Variants in SCHIP1 observed in about 807,000 individuals in gnomAD.
SCHIP1 encodes the protein schwannomin-interacting protein 1.
In SCHIP1, 8 loss-of-function variants were observed where a neutral mutation model predicts 29.7. That is an observed-to-expected ratio of 0.27 (90% CI 0.16 to 0.49). The LOEUF (loss-of-function observed/expected upper bound fraction) is 0.49, where lower values mean the gene tolerates loss of function less well. SCHIP1 is among the 20% of genes least tolerant of loss of function. The pLI, the probability that SCHIP1 is intolerant of heterozygous loss-of-function variation, is 0.99. For missense variants in SCHIP1, 193 were observed against 294.6 expected (o/e 0.66, Z 2.52); for synonymous variants, 76 against 94.9 (o/e 0.80, Z 1.16).
the SCHIP1 span, among the ~76,000 whole-genome samples, chr3:159,606,677 G>A: frequency 1.3e-5 from 2 of 152,210 alleles, no homozygotes; most frequent in South Asian, 2.1e-4. Flanking sequence ...GGGACTCGAG[G>A]AGGAAGCAGG....
At chr3:159,479,659 A>G in the SCHIP1 span, among the ~76,000 whole-genome samples, 1 of 152,190 alleles carries the variant, frequency 6.6e-6, no homozygotes, top group Non-Finnish European at 1.5e-5. Flanking sequence ...TGTACCTTAA[A>G]AAAAGGATTT....
chr3:159,686,571 T>G, the SCHIP1 span, among the ~76,000 whole-genome samples: 1 of 152,212 alleles, frequency 6.6e-6, no homozygotes, highest in African/African-American at 2.4e-5. Flanking sequence ...TAAAAATGTT[T>G]ATTATATTGA....
At chr3:159,532,228 G>A in the SCHIP1 span, among the ~76,000 whole-genome samples, 16 of 151,972 alleles carry the variant, frequency 1.1e-4, 1 homozygote, top group Admixed American at 9.8e-4. Flanking sequence ...TTTAGCTGTT[G>A]AGTATTTTAT....
the SCHIP1 span, among the ~76,000 whole-genome samples, chr3:159,431,534 T>C: frequency 6.6e-6 from 1 of 151,908 alleles, no homozygotes; most frequent in African/African-American, 2.4e-5. Flanking sequence ...CAAATTACTA[T>C]AATAGAGGAA....
the SCHIP1 span, among the ~76,000 whole-genome samples, chr3:159,757,941 C>T: frequency 6.6e-6 from 1 of 152,122 alleles, no homozygotes; most frequent in Non-Finnish European, 1.5e-5. Context: ...CTTTGATAAG[C>T]TAAACACTTT....
chr3:159,423,632 C>CACAGACAACGA, the SCHIP1 span, among the ~76,000 whole-genome samples: 2 of 152,156 alleles, frequency 1.3e-5, no homozygotes, highest in African/African-American at 4.8e-5. Flanking sequence ...GGGGGCAGCG[C>CACAGACAACGA]ACAGACAAAC....
At chr3:159,732,069 C>T in the SCHIP1 span, among the ~76,000 whole-genome samples, 1 of 152,218 alleles carries the variant, frequency 6.6e-6, no homozygotes, top group Non-Finnish European at 1.5e-5. Flanking sequence ...TGGTCCCGAA[C>T]TCCTGAACTC....
At chr3:159,324,726 C>A in the SCHIP1 span, among the ~76,000 whole-genome samples, 1 of 151,988 alleles carries the variant, frequency 6.6e-6, no homozygotes, top group Admixed American at 6.6e-5. Flanking sequence ...ATCTTTTTCT[C>A]TTATGGAGGA....
the SCHIP1 span, among the ~76,000 whole-genome samples, chr3:159,294,456 A>C: frequency 4.6e-5 from 7 of 152,166 alleles, no homozygotes; most frequent in Non-Finnish European, 1.0e-4. Context: ...GTAACTTAAG[A>C]ATATGAGTAT....
chr3:159,843,466 G>C (rs879556043), intron 1 of SCHIP1, among the ~76,000 whole-genome samples: 3 of 152,084 alleles, frequency 2.0e-5, no homozygotes, highest in Non-Finnish European at 4.4e-5. Context: ...TCAGTGCTTA[G>C]AATAGGTCCT....
the SCHIP1 span, among the ~76,000 whole-genome samples, chr3:159,310,174 C>A: frequency 6.6e-6 from 1 of 151,902 alleles, no homozygotes; most frequent in Non-Finnish European, 1.5e-5. Context: ...CTGACCAGGG[C>A]AACTACTGAT....
the SCHIP1 span, among the ~76,000 whole-genome samples, chr3:159,561,319 T>C: frequency 6.6e-6 from 1 of 152,106 alleles, no homozygotes; most frequent in African/African-American, 2.4e-5. Context: ...AATTTACTTT[T>C]CCCCCACCCC....
the SCHIP1 span, among the ~76,000 whole-genome samples, chr3:159,694,078 A>G: frequency 6.6e-6 from 1 of 152,198 alleles, no homozygotes; most frequent in Non-Finnish European, 1.5e-5. Flanking sequence ...ATTTCTTATA[A>G]GAACTAAGGT....
At chr3:159,294,138 A>G in the SCHIP1 span, among the ~76,000 whole-genome samples, 228 of 152,298 alleles carry the variant, frequency 1.5e-3, 1 homozygote, top group African/African-American at 5.3e-3. Context: ...AGGTTGGATT[A>G]GTTGCTCATT....
At chr3:159,827,204 A>C in the SCHIP1 span, among the ~76,000 whole-genome samples, 1 of 152,210 alleles carries the variant, frequency 6.6e-6, no homozygotes, top group Non-Finnish European at 1.5e-5. Flanking sequence ...GAAAATGAGA[A>C]AGGATGTACG....
the SCHIP1 span, among the ~76,000 whole-genome samples, chr3:159,627,405 A>G: frequency 2.0e-5 from 3 of 152,228 alleles, no homozygotes; most frequent in South Asian, 2.1e-4. Flanking sequence ...TTTACTTGGC[A>G]CTGGCTGTCT....
At chr3:159,653,826 A>G in the SCHIP1 span, among the ~76,000 whole-genome samples, 1 of 151,882 alleles carries the variant, frequency 6.6e-6, no homozygotes, top group Non-Finnish European at 1.5e-5. Flanking sequence ...ATTTCAAAAG[A>G]GGTAGAAGAG....
At chr3:159,538,535 G>A in the SCHIP1 span, among the ~76,000 whole-genome samples, 2 of 152,054 alleles carry the variant, frequency 1.3e-5, no homozygotes, top group South Asian at 4.1e-4. Context: ...ATAATTTACT[G>A]TGCATAATAC....
At chr3:159,518,258 G>A in the SCHIP1 span, among the ~76,000 whole-genome samples, 1 of 152,026 alleles carries the variant, frequency 6.6e-6, no homozygotes, top group Non-Finnish European at 1.5e-5. Context: ...CTATGAAAGT[G>A]AGACACAGTG....
Sources: allele counts gnomAD v4.1 joint callset (sites outside exome capture counted in the v4.1 genomes callset), GRCh38; gene constraint gnomAD v4.1.1; transcripts MANE v1.5; gene names NCBI Gene and HGNC (gene_info 2026-07-23, HGNC 2026-07-21).